DOCK2: variants seen among roughly 807,000 people sequenced by gnomAD.
The protein encoded by DOCK2 is dedicator of cytokinesis 2, also known as dedicator of cytokinesis protein 2.
In DOCK2, 87 loss-of-function variants were observed where a neutral mutation model predicts 248.9. The observed-to-expected ratio is 0.35, with a 90% CI of 0.29 to 0.42. DOCK2 has a LOEUF of 0.42. DOCK2 is among the 10% of genes least tolerant of loss of function. The pLI is 1.00. For synonymous variants in DOCK2, 805 were observed against 821.6 expected, an observed-to-expected ratio of 0.98 and a Z score of 0.35; for missense variants, 1,747 against 2,300.2, an observed-to-expected ratio of 0.76 and a Z score of 4.92.
In DOCK2 at chr5:170,034,467, A is replaced by G. The variant is rs775508470; in HGVS notation, c.3536A>G (p.Lys1179Arg). The change falls in exon 35 of 52, where the codon AAA becomes AGA. Residue 1179 changes from lysine to arginine, a missense_variant. Lys to Arg is a conservative substitution (Grantham distance 26, BLOSUM62 2). This residue lies in a region of DOCK2 where 858 missense variants were observed against 1,183.5 expected (regional missense o/e 0.72). Coordinates refer to ENST00000520908, the MANE Select transcript of DOCK2 (RefSeq NM_004946.3). Reference protein sequence around the residue: ...KSVENFVNLVKGLLEKLLDYR... With the variant: ...KSVENFVNLVRGLLEKLLDYR... ...GTGGAGAACTTCGTGAACCTGGTCA[A>G]AGGCCTCCTGGAGAAGCTGCTGGAT... 3.7e-6 allele frequency: 6 copies of G among 1,614,178 alleles called. No individual in the cohort carries two copies. In the East Asian group the frequency reaches 1.3e-4, roughly 36 times the overall value.
At chr5:169,955,400 A>C (rs1776823282) in intron 27 of DOCK2, among the ~76,000 whole-genome samples, 1 of 152,104 alleles carries the variant, frequency 6.6e-6, no homozygotes, top group Non-Finnish European at 1.5e-5. Context: ...GGAGAGAGAG[A>C]GAGAGACTGG....
intron 27 of DOCK2, among the ~76,000 whole-genome samples, chr5:169,972,781 G>A (rs550634904): frequency 6.6e-6 from 1 of 152,158 alleles, no homozygotes; most frequent in South Asian, 2.1e-4. Context: ...AATTGTCTAG[G>A]AAGCGGGAAA....
intron 27 of DOCK2, among the ~76,000 whole-genome samples, chr5:169,863,496 C>A (rs1398644127): frequency 6.6e-6 from 1 of 152,220 alleles, no homozygotes; most frequent in African/African-American, 2.4e-5. Flanking sequence ...GCCAGGTGGT[C>A]TCAGGCCCTA....
chr5:170,082,768 G>A, intron 51 of DOCK2, 28 bp from the exon 52 acceptor site: 4 of 1,613,974 alleles, frequency 2.5e-6, no homozygotes, highest in Non-Finnish European at 3.4e-6. Flanking sequence ...TCGCATCTTG[G>A]TTTTGTGCTT....
In DOCK2 at chr5:169,806,456, C is replaced by T. The variant is rs374325984; in HGVS notation, c.2703+3250C>T. Among the ~76,000 whole-genome samples the T allele has an allele frequency of 7.2e-5, 11 of 152,160 alleles. No individual in the cohort carries two copies. In the East Asian group the frequency reaches 1.2e-3, roughly 16 times the overall value. On this transcript the variant is annotated intron_variant, in intron 26 of 51. Coordinates refer to ENST00000520908, the MANE Select transcript of DOCK2 (RefSeq NM_004946.3). Reference sequence around the variant, plus strand: ...CCCGGGGAGCTTTTTAAAAGTCAAACTAGCAGGAGTCAGCCAAATGGGTAG... The same window carrying T: ...CCCGGGGAGCTTTTTAAAAGTCAAATTAGCAGGAGTCAGCCAAATGGGTAG...
intron 35 of DOCK2, 65 bp from the exon 36 acceptor site, chr5:170,036,450 A>C: frequency 1.3e-6 from 2 of 1,530,794 alleles, no homozygotes; most frequent in South Asian, 2.4e-5. Context: ...CTTCATCACC[A>C]CACCCTTGAC....
intron 26 of DOCK2, among the ~76,000 whole-genome samples, chr5:169,832,610 C>T (rs887926403): frequency 1.3e-5 from 2 of 152,196 alleles, no homozygotes; most frequent in Non-Finnish European, 2.9e-5. Flanking sequence ...CAGCACTAAA[C>T]CTAGAACTCA....
intron 36 of DOCK2, among the ~76,000 whole-genome samples, chr5:170,039,722 T>A (rs1267309210): frequency 6.6e-6 from 1 of 152,140 alleles, no homozygotes; most frequent in Non-Finnish European, 1.5e-5. Flanking sequence ...AAAGCCTTTT[T>A]CCCAAAAGGA....
At chr5:169,817,723 T>C (rs1012740645) in intron 26 of DOCK2, among the ~76,000 whole-genome samples, 58 of 152,368 alleles carry the variant, frequency 3.8e-4, no homozygotes, top group African/African-American at 1.4e-3. Context: ...GAAAGTGCTC[T>C]TCTGTGGGTG....
rs370682683 is a variant in DOCK2 at position 169,749,088 on chromosome 5, A to G, written c.2376+1584A>G. On this transcript the variant is annotated intron_variant, in intron 23 of 51. Transcript: ENST00000520908. ...ACATGGGCTTCACCCCTCTGCCCTC[A>G]TCACTAAGTTCTCTTCACATGGTAC... Among the ~76,000 whole-genome samples the G allele has an allele frequency of 2.6e-5, 4 of 152,366 alleles. No individual in the cohort carries two copies. In the East Asian group the frequency reaches 5.8e-4, roughly 22 times the overall value.
intron 27 of DOCK2, among the ~76,000 whole-genome samples, chr5:169,967,007 A>G (rs980549402): frequency 6.6e-6 from 1 of 152,250 alleles, no homozygotes; most frequent in Non-Finnish European, 1.5e-5. Flanking sequence ...AGACCATATT[A>G]TATATCCATT....
In DOCK2 at chr5:169,761,606, C is replaced by T. The variant is rs1431213086; in HGVS notation, c.2535C>T (p.Ser845=). ...AGTCTATGAATGAGATAGTCCAGAGCAACCTCTTTAAAAAGCAAGGTGAGT... is the reference window on the plus strand; with the variant it reads ...AGTCTATGAATGAGATAGTCCAGAGTAACCTCTTTAAAAAGCAAGGTGAGT... ...KVQSMNEIVQ[S]NLFKKQECRD... The change falls in exon 25 of 52, where the codon AGC becomes AGT. Residue 845 remains serine (S), a synonymous_variant. Coordinates refer to ENST00000520908, the MANE Select transcript of DOCK2 (RefSeq NM_004946.3). 1.9e-6 allele frequency: 3 copies of T among 1,613,884 alleles called. No individual in the cohort carries two copies. Among genetic ancestry groups the T allele is most frequent in the Admixed American group, 1.7e-5 (1 of 59,996 alleles).
At chr5:169,923,832 G>A (rs2113659305) in intron 27 of DOCK2, among the ~76,000 whole-genome samples, 1 of 152,320 alleles carries the variant, frequency 6.6e-6, no homozygotes, top group South Asian at 2.1e-4. Context: ...GTTGTAGATA[G>A]TTTGCCAAGG....
intron 22 of DOCK2, among the ~76,000 whole-genome samples, chr5:169,731,733 AT>A (rs1762784261): frequency 6.6e-6 from 1 of 152,066 alleles, no homozygotes; most frequent in Non-Finnish European, 1.5e-5. Context: ...GGTATTAATT[AT>A]TTTTTTCCTG....
At chr5:169,683,368 C>T (rs774075301) in intron 7 of DOCK2, among the ~76,000 whole-genome samples, 12 of 150,852 alleles carry the variant, frequency 8.0e-5, no homozygotes, top group Non-Finnish European at 1.6e-4. Context: ...TAGCTGGGAT[C>T]ACAGGTGCAT....
At chr5:169,685,912 C>T (rs367612841) in intron 8 of DOCK2, among the ~76,000 whole-genome samples, 60 of 152,206 alleles carry the variant, frequency 3.9e-4, no homozygotes, top group African/African-American at 1.3e-3. Flanking sequence ...CTATTTCCCA[C>T]GTAAGTCTGT....
chr5:170,009,261 G>A (rs1755189262), intron 32 of DOCK2, among the ~76,000 whole-genome samples: 1 of 152,084 alleles, frequency 6.6e-6, no homozygotes, highest in South Asian at 2.1e-4. Context: ...ACCTGTGGAG[G>A]GAGAGATGGA....
chr5:169,694,905 A>G lies in DOCK2; in HGVS notation c.844-898A>G, dbSNP rs1330207653. Among the ~76,000 whole-genome samples, 3 of 152,002 alleles carry G rather than the reference A, an allele frequency of 2.0e-5. No individual in the cohort carries two copies. In the East Asian group the frequency reaches 5.8e-4, roughly 29 times the overall value. On this transcript the variant is annotated intron_variant, in intron 9 of 51. Coordinates refer to ENST00000520908, the MANE Select transcript of DOCK2 (RefSeq NM_004946.3). ...TGGGAGGATTATTTGAGCCTGGGAG[A>G]CTGAGGCTGCAGTGAGCTGTGATCA... is the stretch of plus-strand genomic sequence containing the variant.
chr5:169,903,118 G>A lies in DOCK2; in HGVS notation c.2799+62266G>A, dbSNP rs182831282. 9.2e-4 allele frequency among the ~76,000 whole-genome samples: 139 copies of A among 151,656 alleles called. 1 individual carries two copies. Among genetic ancestry groups the A allele is most frequent in the African/African-American group, 3.3e-3 (136 of 41,384 alleles). ...TCTCAAAAAAAAAAGAAAGAAAGGG[G>A]TGAATTTCAATGTAAGGTGGTCATG... On this transcript the variant is annotated intron_variant, in intron 27 of 51. Coordinates refer to ENST00000520908, the MANE Select transcript of DOCK2 (RefSeq NM_004946.3).
Sources: allele counts gnomAD v4.1 joint callset (sites outside exome capture counted in the v4.1 genomes callset), GRCh38; gene constraint gnomAD v4.1.1; regional missense constraint gnomAD v4.1.1; transcripts MANE v1.5; gene names NCBI Gene and HGNC (gene_info 2026-07-23, HGNC 2026-07-21).